Variants in AKNA observed in about 807,000 individuals in gnomAD.
AKNA encodes the protein AT-hook transcription factor.
AKNA carries 67 observed loss-of-function variants against 138.8 expected under a neutral mutation model. That is an observed-to-expected ratio of 0.48 (90% confidence interval 0.40 to 0.59). The LOEUF is 0.59. Among genes scored for constraint, AKNA ranks in the 20% least tolerant of loss-of-function variants. AKNA has a pLI of 0.00. For synonymous variants in AKNA, 737 were observed against 754.4 expected (o/e 0.98, Z 0.38); for missense variants, 1,813 against 1,880.4 (o/e 0.96, Z 0.66).
At chr9:114,364,699 G>T in intron 6 of AKNA, 80 bp from the exon 7 acceptor site, 1 of 1,449,382 alleles carries the variant, frequency 6.9e-7, no homozygotes, top group South Asian at 1.1e-5. Flanking sequence ...TCTATGCCTT[G>T]GTAAGAGGAG....
chr9:114,337,023 C>A lies in AKNA; in HGVS notation c.*31G>T, dbSNP rs1161292403. The A allele has an allele frequency of 3.0e-5, 9 of 301,516 alleles. No homozygotes were observed. The highest frequency in any genetic ancestry group is 1.7e-4 in the South Asian group (4 of 23,922). The allele number at this position is 301,516 out of a possible 1,614,324, so 18.7% of individuals were successfully genotyped here. A position where few individuals can be genotyped will look rare whatever the true frequency, so the allele number is the denominator to read the frequency against. On this transcript the variant is annotated 3_prime_UTR_variant, in exon 22 of 22. Transcript: ENST00000374088. The stretch of plus-strand genomic sequence containing the variant: ...CCTGGCAGGCCACCTGCCCACCCAC[C>A]CACCCATCTGCCTCTGGGCCCCCAG...
intron 15 of AKNA, chr9:114,348,881 T>A (rs1194070145): frequency 2.2e-6 from 1 of 456,310 alleles, no homozygotes; most frequent in East Asian, 6.9e-5. Flanking sequence ...CTGGGGCCGT[T>A]CTTGCCTGGT....
intron 18 of AKNA, 188 bp downstream of exon 18, chr9:114,345,675 G>T: frequency 1.8e-6 from 1 of 564,368 alleles, no homozygotes. Context: ...ATGAATGAAT[G>T]AATGAATGAA....
chr9:114,384,428 A>C (rs558904647), intron 1 of AKNA, among the ~76,000 whole-genome samples: 1 of 152,294 alleles, frequency 6.6e-6, no homozygotes, highest in Admixed American at 6.5e-5. Flanking sequence ...AAGGAAAAAG[A>C]AAATATATAC....
In AKNA at chr9:114,337,012, T is replaced by TTGGGGGGGGG; in HGVS notation, c.*41_*42insCCCCCCCCCA. 4.6e-4 allele frequency: 550 copies of TTGGGGGGGGG among 1,207,886 alleles called. No individual in the cohort carries two copies. Among genetic ancestry groups the TTGGGGGGGGG allele is most frequent in the Non-Finnish European group, 5.2e-4 (485 of 929,058 alleles). The allele number at this position is 1,207,886 out of a possible 1,614,324, so 74.8% of individuals were successfully genotyped here. The stretch of plus-strand genomic sequence containing the variant: ...CCCACTCCTGGCCTGGCAGGCCACC[T>TTGGGGGGGGG]GCCCACCCACCCACCCATCTGCCTC... On this transcript the variant is annotated 3_prime_UTR_variant, in exon 22 of 22. Transcript: ENST00000374088.
chr9:114,337,013 G>GGGGGGGGGGC lies in AKNA; in HGVS notation c.*40_*41insGCCCCCCCCC. The GGGGGGGGGGC allele has an allele frequency of 4.2e-6, 5 of 1,185,370 alleles. No individual in the cohort carries two copies. The highest frequency in any genetic ancestry group is 4.3e-6 in the Non-Finnish European group (4 of 921,704). The allele number at this position is 1,185,370 out of a possible 1,614,324, so 73.4% of individuals were successfully genotyped here. ...CCACTCCTGGCCTGGCAGGCCACCT[G>GGGGGGGGGGC]CCCACCCACCCACCCATCTGCCTCT... On this transcript the variant is annotated 3_prime_UTR_variant, in exon 22 of 22. Transcript: ENST00000374088.
intron 11 of AKNA, 93 bp downstream of exon 11, chr9:114,359,501 C>T (rs1481798078): frequency 6.9e-6 from 11 of 1,596,974 alleles, no homozygotes; most frequent in Non-Finnish European, 7.7e-6. Context: ...CATGTCTAAA[C>T]TGTGAAGCGC....
At position 114,337,013 on chromosome 9, in the gene AKNA, G is replaced by GGGGGGGGGGGGGGGC; in HGVS notation, c.*40_*41insGCCCCCCCCCCCCCC. 1.5e-5 allele frequency: 18 copies of GGGGGGGGGGGGGGGC among 1,185,366 alleles called. No homozygotes were observed. The highest frequency in any genetic ancestry group is 3.1e-5 in the East Asian group (1 of 31,814). The allele number at this position is 1,185,366 out of a possible 1,614,324, so 73.4% of individuals were successfully genotyped here. A position where few individuals can be genotyped will look rare whatever the true frequency, so the allele number is the denominator to read the frequency against. On this transcript the variant is annotated 3_prime_UTR_variant, in exon 22 of 22. Coordinates refer to ENST00000374088, the MANE Select transcript of AKNA (RefSeq NM_001317950.2). ...CCACTCCTGGCCTGGCAGGCCACCTGCCCACCCACCCACCCATCTGCCTCT... is the reference window on the plus strand; with the variant it reads ...CCACTCCTGGCCTGGCAGGCCACCTGGGGGGGGGGGGGGGCCCCACCCACCCACCCATCTGCCTCT...
rs1186515675 is a variant in AKNA, at chr9:114,381,134, G to A, written c.200C>T (p.Pro67Leu). Reference sequence around the variant, plus strand: ...CGGGTGTGGGTCCCACTCCAGGGGCGGCAGGTGCTGCTGGGCCAGGCGGAA... The same window carrying A: ...CGGGTGTGGGTCCCACTCCAGGGGCAGCAGGTGCTGCTGGGCCAGGCGGAA... ...EDFRLAQQHL[P>L]PLEWDPHPQP... The change falls in exon 2 of 22, where the codon CCG becomes CTG. Residue 67 changes from proline to leucine, a missense_variant. Transcript: ENST00000374088. 4.3e-6 allele frequency: 7 copies of A among 1,613,384 alleles called. No homozygotes were observed. Among genetic ancestry groups the A allele is most frequent in the East Asian group, 2.2e-5 (1 of 44,888 alleles).
In AKNA at chr9:114,341,590, G is replaced by A. The variant is rs776825328; in HGVS notation, c.4010C>T (p.Pro1337Leu). The change falls in exon 21 of 22, where the codon CCT becomes CTT. Residue 1337 changes from proline (P) to leucine (L), a missense_variant. Transcript: ENST00000374088. ...CGAGGAGATGTAGGCAAAGGCTGGA[G>A]GGGCTGGTGCTGGGGGCGCTGTTGC... Reference protein sequence around the residue: ...YLATAPPAPAPPAFAYISSVP... With the variant: ...YLATAPPAPALPAFAYISSVP... The A allele has an allele frequency of 2.5e-6, 4 of 1,614,144 alleles. No individual in the cohort carries two copies. The highest frequency in any genetic ancestry group is 2.5e-6 in the Non-Finnish European group (3 of 1,180,018).
At chr9:114,391,142 C>T (rs1834323895), upstream of AKNA, among the ~76,000 whole-genome samples, 1 of 152,184 alleles carries the variant, frequency 6.6e-6, no homozygotes, top group Non-Finnish European at 1.5e-5. Context: ...TAAACAGAGG[C>T]CCCTAGAGCC....
At chr9:114,359,030 A>T (rs894240290) in intron 11 of AKNA, 1 of 154,484 alleles carries the variant, frequency 6.5e-6, no homozygotes, top group East Asian at 1.9e-4. Flanking sequence ...CCTTGGCATC[A>T]TTAGAAGGTC....
At chr9:114,364,087 TAAA>T (rs957782650) in intron 7 of AKNA, among the ~76,000 whole-genome samples, 4 of 151,860 alleles carry the variant, frequency 2.6e-5, no homozygotes, top group Admixed American at 2.0e-4. Flanking sequence ...TTAAAGGCGA[TAAA>T]AAAGAAAAGG....
In AKNA at chr9:114,341,730, C is replaced by G. The variant is rs369609045; in HGVS notation, c.3875-5G>C. 1.6e-5 allele frequency: 25 copies of G among 1,558,562 alleles called. No individual in the cohort carries two copies. In the Middle Eastern group the frequency reaches 6.4e-4, roughly 40 times the overall value. On this transcript the variant is annotated splice_region_variant and splice_polypyrimidine_tract_variant and intron_variant, in intron 20 of 21. Coordinates refer to ENST00000374088, the MANE Select transcript of AKNA (RefSeq NM_001317950.2). ...TCGTGGTGGCCTTCTCTGCCCCTAT[C>G]AGGGAGGGAACAGCACAGAGAGACA...
rs1443159102 is a variant in AKNA, at chr9:114,338,679, A to G, written c.4068-1373T>C. Among the ~76,000 whole-genome samples the G allele has an allele frequency of 3.3e-5, 5 of 152,326 alleles. No individual in the cohort carries two copies. In the East Asian group the frequency reaches 9.6e-4, roughly 29 times the overall value. On this transcript the variant is annotated intron_variant, in intron 21 of 21. Coordinates refer to ENST00000374088, the MANE Select transcript of AKNA (RefSeq NM_001317950.2). Reference sequence around the variant, plus strand: ...TCCCAGTCATTCTGCTGGGCTACTCATGGGACTCTGGACAAGCTAAGTCAC... The same window carrying G: ...TCCCAGTCATTCTGCTGGGCTACTCGTGGGACTCTGGACAAGCTAAGTCAC...
chr9:114,364,281 G>C (rs530478956), intron 7 of AKNA, among the ~76,000 whole-genome samples: 6 of 152,106 alleles, frequency 3.9e-5, no homozygotes, highest in African/African-American at 1.4e-4. Flanking sequence ...GGTGATAAAT[G>C]TAACTGCTTC....
intron 8 of AKNA, among the ~76,000 whole-genome samples, chr9:114,362,137 G>A (rs548981524): frequency 1.1e-4 from 16 of 152,326 alleles, no homozygotes; most frequent in Non-Finnish European, 2.1e-4. Flanking sequence ...CAGGCTGTGG[G>A]ACATTAGAGA....
rs2132058494 is a variant in AKNA, at chr9:114,377,262, T to C, written c.545A>G (p.Lys182Arg). Reference sequence around the variant, plus strand: ...GTTGACCTCGGAATGTTCAGAAAGTTTGTCCCCACTGGCTTGTTCGCCAGA... The same window carrying C: ...GTTGACCTCGGAATGTTCAGAAAGTCTGTCCCCACTGGCTTGTTCGCCAGA... Reference protein sequence around the residue: ...VASGEQASGDKLSEHSEVNPS... With the variant: ...VASGEQASGDRLSEHSEVNPS... The change falls in exon 3 of 22, where the codon AAA becomes AGA. Residue 182 changes from lysine to arginine, a missense_variant. By Grantham distance (26) the Lys-to-Arg change is conservative. Transcript: ENST00000374088. 1.9e-6 allele frequency: 3 copies of C among 1,614,184 alleles called. No homozygotes were observed. The East Asian group carries it at 6.7e-5, about 36-fold the overall frequency.
intron 3 of AKNA, among the ~76,000 whole-genome samples, chr9:114,374,965 A>G (rs1312422014): frequency 6.6e-6 from 1 of 152,244 alleles, no homozygotes; most frequent in Non-Finnish European, 1.5e-5. Context: ...GAGCATTAGC[A>G]TACTACCACT....
Sources: gnomAD v4.1 joint callset for allele counts (sites outside exome capture counted in the v4.1 genomes callset) on GRCh38, gnomAD v4.1.1 for gene constraint, MANE v1.5 for transcripts, NCBI Gene and HGNC (gene_info 2026-07-23, HGNC 2026-07-21) for gene names.